L3MBTL4: variants seen among roughly 807,000 people sequenced by gnomAD.
L3MBTL4 encodes the protein lethal(3)malignant brain tumor-like protein 4.
L3MBTL4 carries 70 observed loss-of-function variants against 84.5 expected under a neutral mutation model. The ratio of observed to expected loss-of-function variants is 0.83; its 90% CI spans 0.68 to 1.01. The LOEUF (loss-of-function observed/expected upper bound fraction) is 1.01, where lower values mean the gene tolerates loss of function less well. L3MBTL4 is among the 50% of genes least tolerant of loss of function. L3MBTL4 has a pLI of 0.00. For synonymous variants in L3MBTL4, 274 were observed against 259.8 expected (o/e 1.05, Z -0.52); for missense variants, 715 against 754.8 (o/e 0.95, Z 0.62).
intron 13 of L3MBTL4, among the ~76,000 whole-genome samples, chr18:6,165,082 C>A (rs1022175193): frequency 2.0e-5 from 3 of 152,012 alleles, no homozygotes; most frequent in African/African-American, 7.2e-5. Context: ...AGGGTATCAG[C>A]AATGGAAGGC....
chr18:6,316,118 C>T (rs1473034493), intron 1 of L3MBTL4, among the ~76,000 whole-genome samples: 3 of 141,918 alleles, frequency 2.1e-5, no homozygotes, highest in Non-Finnish European at 3.1e-5. Flanking sequence ...GAAACAGTTA[C>T]GTCACTCTCA....
chr18:6,213,826 AAGAC>A (rs775759267), intron 11 of L3MBTL4, among the ~76,000 whole-genome samples: 1 of 152,248 alleles, frequency 6.6e-6, no homozygotes, highest in East Asian at 1.9e-4. Context: ...TAAAAAGACA[AAGAC>A]AGATTATATC....
At chr18:6,071,849 AGG>A (rs1568067538) in intron 16 of L3MBTL4, among the ~76,000 whole-genome samples, 4 of 149,892 alleles carry the variant, frequency 2.7e-5, no homozygotes, top group East Asian at 3.9e-4. Context: ...AAAGAGAGAG[AGG>A]GAGGGAGGGA....
chr18:6,386,799 G>A, intron 1 of L3MBTL4, among the ~76,000 whole-genome samples: 1 of 152,168 alleles, frequency 6.6e-6, no homozygotes, highest in East Asian at 1.9e-4. Flanking sequence ...GGCAGGAAAT[G>A]GCCAGACTGC....
intron 13 of L3MBTL4, among the ~76,000 whole-genome samples, chr18:6,141,732 C>T (rs551704275): frequency 7.9e-4 from 121 of 152,308 alleles, no homozygotes; most frequent in African/African-American, 2.7e-3. Flanking sequence ...AGCCATCTTC[C>T]TTCTTGAAGA....
At chr18:6,096,582 T>C (rs2058651079) in intron 14 of L3MBTL4, among the ~76,000 whole-genome samples, 1 of 152,182 alleles carries the variant, frequency 6.6e-6, no homozygotes, top group Non-Finnish European at 1.5e-5. Flanking sequence ...AGACTCTTAC[T>C]GGTGCTTATG....
chr18:6,385,531 A>G (rs1160339380), intron 1 of L3MBTL4, among the ~76,000 whole-genome samples: 1 of 152,208 alleles, frequency 6.6e-6, no homozygotes, highest in Non-Finnish European at 1.5e-5. Context: ...AACATGTCCA[A>G]TGAGGTTCTA....
At chr18:6,106,428 T>C (rs1047925461) in intron 14 of L3MBTL4, among the ~76,000 whole-genome samples, 3 of 152,216 alleles carry the variant, frequency 2.0e-5, no homozygotes, top group Admixed American at 2.0e-4. Context: ...TTAGTGTTTT[T>C]AAAATTTCAT....
chr18:6,082,192 C>G (rs1013546488), intron 15 of L3MBTL4, among the ~76,000 whole-genome samples: 1 of 152,064 alleles, frequency 6.6e-6, no homozygotes, highest in Non-Finnish European at 1.5e-5. Flanking sequence ...ATGTTAAAAA[C>G]CAGTGTAAAA....
chr18:6,384,101 C>T (rs2054713779), intron 1 of L3MBTL4, among the ~76,000 whole-genome samples: 1 of 152,180 alleles, frequency 6.6e-6, no homozygotes, highest in Non-Finnish European at 1.5e-5. Context: ...CTGGGGACAG[C>T]TGTCCTGCCT....
chr18:5,974,609 C>T (rs144209065), intron 16 of L3MBTL4, among the ~76,000 whole-genome samples: 45 of 152,292 alleles, frequency 3.0e-4, no homozygotes, highest in African/African-American at 9.9e-4. Flanking sequence ...TCCAGTGAAA[C>T]GACCAAACAG....
At chr18:6,406,212 C>T (rs1204108131) in intron 1 of L3MBTL4, among the ~76,000 whole-genome samples, 3 of 152,238 alleles carry the variant, frequency 2.0e-5, no homozygotes, top group Admixed American at 2.0e-4. Context: ...ACAGCTCCAA[C>T]TCTGCCATTA....
chr18:6,307,630 G>T (rs1351177610), intron 3 of L3MBTL4, among the ~76,000 whole-genome samples: 1 of 151,974 alleles, frequency 6.6e-6, no homozygotes, highest in Non-Finnish European at 1.5e-5. Context: ...GCACAAATGG[G>T]CTACATATGT....
At chr18:6,033,386 C>A (rs2055937555) in intron 16 of L3MBTL4, among the ~76,000 whole-genome samples, 1 of 152,154 alleles carries the variant, frequency 6.6e-6, no homozygotes, top group Non-Finnish European at 1.5e-5. Context: ...CTTTTGAAGA[C>A]AGCATATAGT....
intron 5 of L3MBTL4, 147 bp downstream of exon 5, chr18:6,263,800 C>T: frequency 1.4e-6 from 1 of 703,026 alleles, no homozygotes; most frequent in Non-Finnish European, 2.5e-6. Context: ...AACACTAAAG[C>T]TCTGATTAGG....
At chr18:6,329,239 C>T (rs547896516) in intron 1 of L3MBTL4, among the ~76,000 whole-genome samples, 40 of 150,356 alleles carry the variant, frequency 2.7e-4, no homozygotes, top group Non-Finnish European at 5.2e-4. Flanking sequence ...CTGCAAGCTC[C>T]GCCTCCTGGG....
At chr18:6,196,788 A>G (rs961594112) in intron 12 of L3MBTL4, among the ~76,000 whole-genome samples, 1 of 152,216 alleles carries the variant, frequency 6.6e-6, no homozygotes, top group African/African-American at 2.4e-5. Flanking sequence ...GAGAAGCAGG[A>G]GGAAGCCACA....
At chr18:6,358,574 A>C (rs1029517088) in intron 1 of L3MBTL4, among the ~76,000 whole-genome samples, 2 of 152,242 alleles carry the variant, frequency 1.3e-5, no homozygotes, top group African/African-American at 4.8e-5. Context: ...TCTAAGGCTT[A>C]CGGATAAGAA....
chr18:6,071,724 A>G (rs368132179), intron 16 of L3MBTL4, among the ~76,000 whole-genome samples: 1,707 of 109,430 alleles, frequency 0.016, 27 homozygotes, highest in African/African-American at 0.03. Flanking sequence ...AAGGAAAGAA[A>G]GAAGGAAAGA....
Sources: gnomAD v4.1 joint callset for allele counts (sites outside exome capture counted in the v4.1 genomes callset) on GRCh38, gnomAD v4.1.1 for gene constraint, MANE v1.5 for transcripts, NCBI Gene and HGNC (gene_info 2026-07-23, HGNC 2026-07-21) for gene names.